The following SZT2 variants were observed in gnomAD, a reference collection of about 807,000 sequenced individuals.
SZT2 encodes KICSTOR complex protein SZT2.
In SZT2, 216 loss-of-function variants were observed where a neutral mutation model predicts 404.2. The ratio of observed to expected loss-of-function variants is 0.53; its 90% confidence interval spans 0.48 to 0.60. The LOEUF (loss-of-function observed/expected upper bound fraction) is 0.60, where lower values mean the gene tolerates loss of function less well. Ranked by LOEUF, SZT2 falls within the 20% of genes least tolerant of loss-of-function variation. The pLI, the probability that SZT2 is intolerant of heterozygous loss-of-function variation, is 0.00. For synonymous variants in SZT2, 1,693 were observed against 1,749.9 expected (o/e 0.97, Z 0.81); for missense variants, 3,857 against 4,459.2 (o/e 0.86, Z 3.85).
intron 4 of SZT2, chr1:43,406,198 C>A: frequency 3.8e-6 from 1 of 262,804 alleles, no homozygotes; most frequent in Non-Finnish European, 7.6e-6. Flanking sequence ...AGCAATTCTC[C>A]TGCCTCAGCC....
intron 62 of SZT2, 59 bp from the exon 63 acceptor site, chr1:43,445,835 C>T: frequency 1.3e-6 from 2 of 1,515,096 alleles, no homozygotes; most frequent in Non-Finnish European, 1.8e-6. Context: ...TGGGTCTGAT[C>T]ACCATGACTG....
intron 51 of SZT2, 149 bp downstream of exon 51, chr1:43,440,197 C>G: frequency 8.0e-7 from 1 of 1,244,866 alleles, no homozygotes; most frequent in Non-Finnish European, 1.1e-6. Flanking sequence ...TGTCCGTGAG[C>G]TTGTCTGGGC....
At position 43,452,070 on chromosome 1, in the gene SZT2, G is replaced by T; in HGVS notation, c.*1590G>T. On this transcript the variant is annotated 3_prime_UTR_variant, in exon 72 of 72. Transcript: ENST00000634258. ...TCCTTCCCAAGTTTGTCCCCCATCA[G>T]TCAGTCACTGGTCAAGGCCCTCACC... The T allele has an allele frequency of 6.4e-7, 1 of 1,555,308 alleles. No individual in the cohort carries two copies. Among genetic ancestry groups the T allele is most frequent in the Non-Finnish European group, 8.8e-7 (1 of 1,136,486 alleles).
rs781768838 is a variant in SZT2 at position 43,431,296 on chromosome 1, C to T, written c.4948C>T (p.Arg1650Ter). ...ATCTGAAAGCAGTGCTTCATTTCCA[C>T]GATCCCCAGGGCAGCCATCATCTTT... ...STSESSASFP[R>*]SPGQPSSLRS... is the part of the protein sequence containing the mutation. Residue 1650 changes from arginine to a stop codon, truncating the protein, a stop_gained, in exon 34 of 72, where the codon CGA becomes TGA. Transcript: ENST00000634258. LOFTEE classifies it high-confidence loss of function. The T allele has an allele frequency of 6.2e-7, 1 of 1,612,400 alleles. No homozygotes were observed. Among genetic ancestry groups the T allele is most frequent in the Non-Finnish European group, 8.5e-7 (1 of 1,179,106 alleles).
chr1:43,450,333 A>G lies in SZT2; in HGVS notation c.10156-4A>G. 1.2e-6 allele frequency: 2 copies of G among 1,613,532 alleles called. No homozygotes were observed. Among genetic ancestry groups the G allele is most frequent in the African/African-American group, 1.3e-5 (1 of 74,782 alleles). On this transcript the variant is annotated splice_polypyrimidine_tract_variant and splice_region_variant and intron_variant, in intron 71 of 71. Transcript: ENST00000634258. This position sits in a 1 kb window ranked among gnomAD's most constrained non-coding sequence, Gnocchi z 4.3. ...CCAGTGCATCCCCACCGTGTTCCCC[A>G]CAGTCTCTGACAGTGGTTTTCCGAG...
intron 1 of SZT2, among the ~76,000 whole-genome samples, chr1:43,397,780 C>T (rs1019611728): frequency 2.6e-5 from 4 of 152,118 alleles, no homozygotes; most frequent in Admixed American, 6.5e-5. Context: ...CCACCCACCC[C>T]GGCCTCCCAA....
chr1:43,427,569 G>C lies in SZT2; in HGVS notation c.3638G>C (p.Arg1213Pro), dbSNP rs187427261. The C allele has an allele frequency of 1.5e-5, 24 of 1,614,220 alleles. No homozygotes were observed. The highest frequency in any genetic ancestry group is 1.9e-5 in the Non-Finnish European group (23 of 1,180,030). The change falls in exon 26 of 72, where the codon CGT becomes CCT. Residue 1213 changes from arginine to proline, a missense_variant. Physicochemically the swap from Arg to Pro is moderately radical, Grantham distance 103. Coordinates refer to ENST00000634258, the MANE Select transcript of SZT2 (RefSeq NM_001365999.1). ...CAAGGAGAGCTAAGTCCACCATTCC[G>C]TCGAGACTTACAGGCTTACGCTGGG... ...QNQGELSPPF[R>P]RDLQAYAGRQ...
chr1:43,449,917 T>G (rs532532680), intron 70 of SZT2, 186 bp from the exon 71 acceptor site: 6 of 684,478 alleles, frequency 8.8e-6, no homozygotes, highest in Non-Finnish European at 1.5e-5. Context: ...TCAGACAGGC[T>G]GACCAGCAAG....
intron 4 of SZT2, among the ~76,000 whole-genome samples, chr1:43,411,513 G>T (rs760814300): frequency 5.9e-5 from 9 of 152,180 alleles, no homozygotes; most frequent in Non-Finnish European, 1.0e-4. Context: ...CAAAAGTCTG[G>T]CTCCTGAACA....
intron 70 of SZT2, chr1:43,449,697 A>T (rs1656146395): frequency 3.6e-6 from 1 of 278,100 alleles, no homozygotes. Flanking sequence ...AGAGCAAATC[A>T]TCCCGGGATG....
intron 67 of SZT2, 69 bp from the exon 68 acceptor site, chr1:43,447,780 C>G: frequency 6.2e-7 from 1 of 1,610,752 alleles, no homozygotes; most frequent in Non-Finnish European, 8.5e-7. Context: ...CCAATGTTTT[C>G]TTGGGCAGGG....
Position 43,420,565 on chromosome 1 carries a change from G to A in SZT2, c.1262-184G>A, listed in dbSNP as rs557703202. Among the ~76,000 whole-genome samples the A allele has an allele frequency of 6.6e-6, 1 of 152,320 alleles. No individual in the cohort carries two copies. Among genetic ancestry groups the A allele is most frequent in the East Asian group, 1.9e-4 (1 of 5,188 alleles). Reference sequence around the variant, plus strand: ...GGTCCTGAACTTGGCTTAGTTTTCAGATTGTTTCTACAAACTTGTGTTTGT... The same window carrying A: ...GGTCCTGAACTTGGCTTAGTTTTCAAATTGTTTCTACAAACTTGTGTTTGT... On this transcript the variant is annotated intron_variant, in intron 9 of 71. Transcript: ENST00000634258. The surrounding 1 kb of genome is among the most constrained non-coding windows in gnomAD (Gnocchi z 5.1).
At chr1:43,428,659 C>A in intron 28 of SZT2, 173 bp downstream of exon 28, 1 of 853,698 alleles carries the variant, frequency 1.2e-6, no homozygotes, top group Non-Finnish European at 1.8e-6. Context: ...ACCAATTTGG[C>A]ACAGGCAGCA....
At position 43,454,047 on chromosome 1, in the gene SZT2, G is replaced by A; in HGVS notation, c.*3567G>A. 1 of 1,145,642 alleles carries A rather than the reference G, an allele frequency of 8.7e-7. No individual in the cohort carries two copies. The highest frequency in any genetic ancestry group is 1.1e-6 in the Non-Finnish European group (1 of 933,600). 71.0% of individuals were successfully genotyped at this position (1,145,642 alleles called of 1,614,324 possible). Reference sequence around the variant, plus strand: ...CGGAAAAGGAGCAGGACCCGCGCCTGGAGAAGGTAGGGAGGCCGAGCTCCA... The same window carrying A: ...CGGAAAAGGAGCAGGACCCGCGCCTAGAGAAGGTAGGGAGGCCGAGCTCCA... On this transcript the variant is annotated 3_prime_UTR_variant, in exon 72 of 72. Coordinates refer to ENST00000634258, the MANE Select transcript of SZT2 (RefSeq NM_001365999.1).
At chr1:43,438,266 C>G (rs1654677170) in intron 46 of SZT2, 1 of 352,028 alleles carries the variant, frequency 2.8e-6, no homozygotes, top group Non-Finnish European at 5.3e-6. Flanking sequence ...GGTGGTGCCA[C>G]CGACCTGATA....
chr1:43,419,936 A>G lies in SZT2; in HGVS notation c.1082A>G (p.Tyr361Cys), dbSNP rs1419155699. ...LRSGEALNPEYYCGSQHRLFN... is the reference protein window; with the variant it reads ...LRSGEALNPECYCGSQHRLFN... ...AGTGGGGAAGCACTGAACCCTGAAT[A>G]TTACTGCGGTGAGAGGCACACTGAG... Residue 361 changes from tyrosine to cysteine, a missense_variant, in exon 8 of 72, where the codon TAT becomes TGT. Tyr to Cys is a radical substitution (Grantham distance 194). Coordinates refer to ENST00000634258, the MANE Select transcript of SZT2 (RefSeq NM_001365999.1). 1 of 1,598,208 alleles carries G rather than the reference A, an allele frequency of 6.3e-7. No homozygotes were observed. Among genetic ancestry groups the G allele is most frequent in the Admixed American group, 1.7e-5 (1 of 60,000 alleles).
Position 43,442,424 on chromosome 1 carries a change from C to T in SZT2, c.7975-18C>T. 1.2e-6 allele frequency: 2 copies of T among 1,612,184 alleles called. No homozygotes were observed. Among genetic ancestry groups the T allele is most frequent in the Non-Finnish European group, 1.7e-6 (2 of 1,178,762 alleles). ...GAGGGGTTCCGTGATCTCACTGACC[C>T]TGACCCCCGACCTCCAGCTACAGCT... On this transcript the variant is annotated intron_variant, in intron 57 of 71. Transcript: ENST00000634258. The surrounding 1 kb of genome is among the most constrained non-coding windows in gnomAD (Gnocchi z 4.5).
chr1:43,442,867 C>T lies in SZT2; in HGVS notation c.8200C>T (p.Arg2734Trp), dbSNP rs1217496843. ...LPTMEVETLI[R>W]SASPPLSREQ... is the part of the protein sequence containing the mutation. ...GACCATGGAAGTGGAGACCCTCATC[C>T]GGAGTGCAAGTCCCCCGCTGAGCCG... The change falls in exon 59 of 72, where the codon CGG (arginine) becomes TGG (tryptophan). Residue 2734 changes from arginine to tryptophan, a missense_variant. Physicochemically the swap from Arg to Trp is moderately radical, Grantham distance 101. This residue lies in a region of SZT2 where 573 missense variants were observed against 592.4 expected (regional missense o/e 0.97). Transcript: ENST00000634258. This position sits in a 1 kb window ranked among gnomAD's most constrained non-coding sequence, Gnocchi z 4.5. The T allele has an allele frequency of 6.2e-6, 10 of 1,612,820 alleles. No individual in the cohort carries two copies. Among genetic ancestry groups the T allele is most frequent in the South Asian group, 1.1e-5 (1 of 90,864 alleles).
intron 7 of SZT2, among the ~76,000 whole-genome samples, chr1:43,418,940 T>G (rs1363388247): frequency 6.6e-6 from 1 of 152,224 alleles, no homozygotes; most frequent in Non-Finnish European, 1.5e-5. Flanking sequence ...TTGTTCCACA[T>G]GAAGCCAAGA....
Sources: allele counts gnomAD v4.1 joint callset (sites outside exome capture counted in the v4.1 genomes callset), GRCh38; gene constraint gnomAD v4.1.1; regional missense constraint gnomAD v4.1.1; non-coding constraint Gnocchi (gnomAD v3.1); transcripts MANE v1.5; gene names NCBI Gene and HGNC (gene_info 2026-07-23, HGNC 2026-07-21).